Variants in GRM4 observed in about 807,000 individuals in gnomAD.
The protein encoded by GRM4 is glutamate metabotropic receptor 4, also known as metabotropic glutamate receptor 4.
A neutral mutation model predicts 81.7 loss-of-function variants in GRM4; 28 were observed. The observed-to-expected ratio is 0.34, with a 90% CI of 0.25 to 0.47. The LOEUF (loss-of-function observed/expected upper bound fraction) is 0.47, where lower values mean the gene tolerates loss of function less well. Ranked by LOEUF, GRM4 falls within the 20% of genes least tolerant of loss-of-function variation. The probability of loss-of-function intolerance (pLI) is 1.00; values close to 1 mark genes in which losing one functional copy is unlikely to be tolerated. For missense variants in GRM4, 948 were observed against 1,290.0 expected, an observed-to-expected ratio of 0.73 and a Z score of 4.06; for synonymous variants, 488 against 528.8, an observed-to-expected ratio of 0.92 and a Z score of 1.06.
Position 34,062,037 on chromosome 6 carries a change from G to A in GRM4, c.737-9C>T. On this transcript the variant is annotated splice_polypyrimidine_tract_variant and intron_variant, in intron 3 of 10. Coordinates refer to ENST00000538487, the MANE Select transcript of GRM4 (RefSeq NM_000841.4). The stretch of plus-strand genomic sequence containing the variant: ...GGCGATGCACACGCCCCCTGCAGGA[G>A]GGGCACCAGTTAGTTGGGGTGGGCA... 1 of 1,604,068 alleles carries A rather than the reference G, an allele frequency of 6.2e-7. No homozygotes were observed. Among genetic ancestry groups the A allele is most frequent in the South Asian group, 1.1e-5 (1 of 90,270 alleles).
In GRM4 at chr6:34,115,332, C is replaced by T. The variant is rs1440910198; in HGVS notation, c.519+17646G>A. ...CACAGCCACTGCTGAATTATTTATTCCCTACATTGTTAGCGCAGTAGAGAG... is the reference window on the plus strand; with the variant it reads ...CACAGCCACTGCTGAATTATTTATTTCCTACATTGTTAGCGCAGTAGAGAG... On this transcript the variant is annotated intron_variant, in intron 2 of 10. Coordinates refer to ENST00000538487, the MANE Select transcript of GRM4 (RefSeq NM_000841.4). The surrounding 1 kb of genome is among the most constrained non-coding windows in gnomAD (Gnocchi z 4.1). Among the ~76,000 whole-genome samples the T allele has an allele frequency of 6.6e-6, 1 of 152,228 alleles. No individual in the cohort carries two copies. Among genetic ancestry groups the T allele is most frequent in the Non-Finnish European group, 1.5e-5 (1 of 68,036 alleles).
chr6:34,129,953 C>G (rs1176839856), intron 2 of GRM4, among the ~76,000 whole-genome samples: 1 of 152,200 alleles, frequency 6.6e-6, no homozygotes, highest in Non-Finnish European at 1.5e-5. Context: ...ATCATCACAG[C>G]CTCTGGTGCC....
rs1262658492 is a variant in GRM4 at position 34,114,355 on chromosome 6, G to A, written c.519+18623C>T. Among the ~76,000 whole-genome samples, 1 of 152,156 alleles carries A rather than the reference G, an allele frequency of 6.6e-6. No individual in the cohort carries two copies. The highest frequency in any genetic ancestry group is 2.4e-5 in the African/African-American group (1 of 41,416). ...TTGGTGGATATATGAACCAATGGATGTCACTATGCATAAGGCCATCATCCG... is the reference window on the plus strand; with the variant it reads ...TTGGTGGATATATGAACCAATGGATATCACTATGCATAAGGCCATCATCCG... On this transcript the variant is annotated intron_variant, in intron 2 of 10. Coordinates refer to ENST00000538487, the MANE Select transcript of GRM4 (RefSeq NM_000841.4). This position sits in a 1 kb window ranked among gnomAD's most constrained non-coding sequence, Gnocchi z 4.3.
At chr6:34,037,393 A>G (rs1415309418) in intron 8 of GRM4, among the ~76,000 whole-genome samples, 3 of 152,220 alleles carry the variant, frequency 2.0e-5, no homozygotes, top group Admixed American at 6.5e-5. Flanking sequence ...CATCAGGCAA[A>G]GGGACTTGAC....
chr6:34,043,194 T>C (rs1162750880), intron 6 of GRM4, among the ~76,000 whole-genome samples: 1 of 152,158 alleles, frequency 6.6e-6, no homozygotes, highest in Admixed American at 6.5e-5. Context: ...TTGGGTCGTG[T>C]CTGCTAGCTT....
intron 9 of GRM4, among the ~76,000 whole-genome samples, chr6:34,030,065 C>A (rs1764337046): frequency 6.6e-6 from 1 of 152,226 alleles, no homozygotes; most frequent in Admixed American, 6.5e-5. Flanking sequence ...AAGGTCATGA[C>A]CAGCCAGCGG....
chr6:34,137,645 G>A (rs1300557828), intron 1 of GRM4, among the ~76,000 whole-genome samples: 1 of 151,528 alleles, frequency 6.6e-6, no homozygotes, highest in Admixed American at 6.6e-5. Flanking sequence ...GTGCAGTGGT[G>A]CAATCACGAC....
chr6:34,095,448 C>G (rs1181460709), intron 2 of GRM4, among the ~76,000 whole-genome samples: 2 of 148,968 alleles, frequency 1.3e-5, no homozygotes, highest in Non-Finnish European at 3.0e-5. Flanking sequence ...TGAAAAAAAA[C>G]TTGGGCAAGT....
intron 2 of GRM4, among the ~76,000 whole-genome samples, chr6:34,123,049 C>T (rs1769879456): frequency 6.6e-6 from 1 of 152,180 alleles, no homozygotes; most frequent in African/African-American, 2.4e-5. Flanking sequence ...GCCTCAAAGC[C>T]TGCCTAATCC....
intron 2 of GRM4, among the ~76,000 whole-genome samples, chr6:34,107,093 A>C (rs781467801): frequency 6.6e-6 from 1 of 152,162 alleles, no homozygotes; most frequent in Non-Finnish European, 1.5e-5. Flanking sequence ...CTGGCTGCTG[A>C]GCACTCAGGC....
At chr6:34,154,783 C>A (rs1274849579) in intron 1 of GRM4, among the ~76,000 whole-genome samples, 1 of 152,238 alleles carries the variant, frequency 6.6e-6, no homozygotes, top group African/African-American at 2.4e-5. Context: ...CTTGCGCCGG[C>A]CTCCTCAGGA....
At position 34,133,928 on chromosome 6, in the gene GRM4, C is replaced by T; in HGVS notation, c.-363-69G>A. 1.5e-6 allele frequency: 1 copy of T among 684,842 alleles called. No individual in the cohort carries two copies. The highest frequency in any genetic ancestry group is 1.8e-6 in the Non-Finnish European group (1 of 552,632). The allele number at this position is 684,842 out of a possible 1,614,324, so 42.4% of individuals were successfully genotyped here. A position where few individuals can be genotyped will look rare whatever the true frequency, so the allele number is the denominator to read the frequency against. The stretch of plus-strand genomic sequence containing the variant: ...AAGAAGACATTAGCTAGTCTCATCT[C>T]TCATCAGGAGCCTGAGAGAAGGAGA... On this transcript the variant is annotated intron_variant, in intron 1 of 10. Transcript: ENST00000538487. The surrounding 1 kb of genome is among the most constrained non-coding windows in gnomAD (Gnocchi z 6.5).
chr6:34,144,703 C>A (rs1581742734), intron 1 of GRM4, among the ~76,000 whole-genome samples: 1 of 152,252 alleles, frequency 6.6e-6, no homozygotes, highest in Admixed American at 6.5e-5. Context: ...TGCCCCGCGC[C>A]CCCGCCTGTC....
At chr6:34,128,785 G>C (rs890691186) in intron 2 of GRM4, among the ~76,000 whole-genome samples, 2 of 152,110 alleles carry the variant, frequency 1.3e-5, no homozygotes, top group African/African-American at 2.4e-5. Flanking sequence ...AGTTTGCCAG[G>C]GTGGTCAGAC....
At position 34,040,535 on chromosome 6, in the gene GRM4, A is replaced by C. The variant is rs1764957274; in HGVS notation, c.1369+13T>G. Reference sequence around the variant, plus strand: ...ATACCCAGGGTCAGGCACAGTCCGCACCACACCCCCACCTGAGAAGTTGAC... The same window carrying C: ...ATACCCAGGGTCAGGCACAGTCCGCCCCACACCCCCACCTGAGAAGTTGAC... On this transcript the variant is annotated intron_variant, in intron 7 of 10. Coordinates refer to ENST00000538487, the MANE Select transcript of GRM4 (RefSeq NM_000841.4). 1.2e-6 allele frequency: 2 copies of C among 1,608,558 alleles called. No individual in the cohort carries two copies. Among genetic ancestry groups the C allele is most frequent in the Non-Finnish European group, 1.7e-6 (2 of 1,176,870 alleles).
At chr6:34,101,994 G>T in intron 2 of GRM4, 1 of 1,534,876 alleles carries the variant, frequency 6.5e-7, no homozygotes, top group Non-Finnish European at 8.7e-7. Flanking sequence ...CTAGTGGCCA[G>T]GTCAGGGCCT....
rs559942403 is a variant in GRM4, at chr6:34,126,375, C to T, written c.519+6603G>A. ...CTATGTAAATGTTCCAATTATTTCA[C>T]CTCAGTCACCTCTTAGAGAGGGTCC... On this transcript the variant is annotated intron_variant, in intron 2 of 10. Transcript: ENST00000538487. 2.0e-5 allele frequency among the ~76,000 whole-genome samples: 3 copies of T among 152,306 alleles called. No individual in the cohort carries two copies. The South Asian group carries it at 6.2e-4, about 32-fold the overall frequency.
At chr6:34,142,766 G>C (rs1277210389) in intron 1 of GRM4, among the ~76,000 whole-genome samples, 1 of 152,222 alleles carries the variant, frequency 6.6e-6, no homozygotes, top group Non-Finnish European at 1.5e-5. Context: ...CCCTCTCAGA[G>C]AAGTCACGCC....
intron 2 of GRM4, among the ~76,000 whole-genome samples, chr6:34,129,766 C>T (rs1263899414): frequency 6.6e-6 from 1 of 152,176 alleles, no homozygotes; most frequent in Non-Finnish European, 1.5e-5. Flanking sequence ...GCCTCCACAT[C>T]TCTAGAGCAA....
Sources: allele counts gnomAD v4.1 joint callset (sites outside exome capture counted in the v4.1 genomes callset), GRCh38; gene constraint gnomAD v4.1.1; non-coding constraint Gnocchi (gnomAD v3.1); transcripts MANE v1.5; gene names NCBI Gene and HGNC (gene_info 2026-07-23, HGNC 2026-07-21).